Variants in ZNRF2 observed in about 807,000 individuals in gnomAD.
ZNRF2 encodes the protein E3 ubiquitin-protein ligase ZNRF2.
Under a neutral mutation model 20.4 loss-of-function variants are expected in ZNRF2, and 16 were observed. The ratio of observed to expected loss-of-function variants is 0.79; its 90% CI spans 0.53 to 1.19. ZNRF2 has a LOEUF of 1.19. ZNRF2 is among the 50% of genes most tolerant of loss of function. The pLI, the probability that ZNRF2 is intolerant of heterozygous loss-of-function variation, is 0.00. For synonymous variants in ZNRF2, 178 were observed against 144.9 expected (o/e 1.23, Z -1.64); for missense variants, 363 against 332.4 (o/e 1.09, Z -0.72).
intron 2 of ZNRF2, among the ~76,000 whole-genome samples, chr7:30,350,647 T>G (rs1799948101): frequency 6.6e-6 from 1 of 152,086 alleles, no homozygotes; most frequent in South Asian, 2.1e-4. Context: ...GTATAAGAGA[T>G]AACTTAATAT....
chr7:30,364,480 CTAAA>C (rs139535807), intron 4 of ZNRF2, among the ~76,000 whole-genome samples: 3 of 151,908 alleles, frequency 2.0e-5, no homozygotes, highest in Non-Finnish European at 2.9e-5. Context: ...AAGTCCCTGT[CTAAA>C]TAAATAAATA....
chr7:30,361,631 T>G (rs537144136), intron 3 of ZNRF2, among the ~76,000 whole-genome samples: 3 of 152,234 alleles, frequency 2.0e-5, no homozygotes, highest in Non-Finnish European at 4.4e-5. Context: ...GGAAATGTTC[T>G]ATATCTATGC....
At chr7:30,317,143 A>G (rs1285042130) in intron 1 of ZNRF2, among the ~76,000 whole-genome samples, 1 of 152,208 alleles carries the variant, frequency 6.6e-6, no homozygotes, top group Non-Finnish European at 1.5e-5. Flanking sequence ...TAATTGTGCC[A>G]TTCTTGCCTC....
intron 1 of ZNRF2, among the ~76,000 whole-genome samples, chr7:30,308,848 CTTAGAT>C (rs529053936): frequency 1.6e-3 from 246 of 152,072 alleles, no homozygotes; most frequent in Middle Eastern, 6.8e-3. Context: ...AAAAAATTGA[CTTAGAT>C]TTACTACAGA....
chr7:30,293,593 C>T (rs920087071), intron 1 of ZNRF2, among the ~76,000 whole-genome samples: 1 of 152,162 alleles, frequency 6.6e-6, no homozygotes, highest in African/African-American at 2.4e-5. Context: ...CAAAGATACA[C>T]TTTTGTTCAA....
chr7:30,351,099 C>T (rs1358478429), intron 2 of ZNRF2, among the ~76,000 whole-genome samples: 1 of 149,540 alleles, frequency 6.7e-6, no homozygotes, highest in Non-Finnish European at 1.5e-5. Context: ...CTTGGACCTG[C>T]TAAGTATTTT....
chr7:30,320,128 T>C (rs950732547), intron 1 of ZNRF2, among the ~76,000 whole-genome samples: 41 of 152,180 alleles, frequency 2.7e-4, no homozygotes, highest in African/African-American at 9.2e-4. Context: ...GATAATACAC[T>C]TCTTGAGTCC....
At chr7:30,295,786 A>T (rs1370339394) in intron 1 of ZNRF2, among the ~76,000 whole-genome samples, 2 of 152,250 alleles carry the variant, frequency 1.3e-5, no homozygotes, top group African/African-American at 2.4e-5. Flanking sequence ...CCGTACTTTT[A>T]ACTATTGAAT....
intron 2 of ZNRF2, among the ~76,000 whole-genome samples, chr7:30,351,693 C>T (rs561731503): frequency 1.6e-3 from 245 of 152,078 alleles, no homozygotes; most frequent in Non-Finnish European, 2.7e-3. Flanking sequence ...TTAGTAACTT[C>T]TGGTAAGTTA....
intron 3 of ZNRF2, among the ~76,000 whole-genome samples, chr7:30,358,906 G>A (rs186269352): frequency 6.6e-6 from 1 of 152,182 alleles, no homozygotes. Context: ...ATAAGATGAA[G>A]ACAATAGAAA....
intron 4 of ZNRF2, among the ~76,000 whole-genome samples, chr7:30,365,263 G>A (rs1328210680): frequency 1.3e-5 from 2 of 150,420 alleles, no homozygotes; most frequent in Non-Finnish European, 3.0e-5. Flanking sequence ...GATATGTGGA[G>A]CATACATCTC....
chr7:30,363,554 TATTC>T (rs1211589685), intron 4 of ZNRF2, among the ~76,000 whole-genome samples: 3 of 152,244 alleles, frequency 2.0e-5, no homozygotes, highest in African/African-American at 7.2e-5. Context: ...ATCATAAATT[TATTC>T]ATTCAATTTA....
chr7:30,343,638 G>T (rs991968124), intron 2 of ZNRF2, among the ~76,000 whole-genome samples: 1 of 151,436 alleles, frequency 6.6e-6, no homozygotes, highest in Admixed American at 6.6e-5. Flanking sequence ...CTTGTCAATA[G>T]TAAGATTGTA....
Position 30,366,889 on chromosome 7 carries a change from A to C in ZNRF2, c.*877A>C, listed in dbSNP as rs1310875429. The C allele has an allele frequency of 6.6e-6, 1 of 152,576 alleles. No homozygotes were observed. The highest frequency in any genetic ancestry group is 2.4e-5 in the African/African-American group (1 of 41,462). 9.5% of individuals were successfully genotyped at this position (152,576 alleles called of 1,614,324 possible). ...GCTGCCAGCTAAAATAACTGTTTTA[A>C]CGGGTATCTTTTGTTTGTTCTTTTC... On this transcript the variant is annotated 3_prime_UTR_variant, in exon 5 of 5. Transcript: ENST00000323037.
At chr7:30,315,734 G>A (rs926807224) in intron 1 of ZNRF2, among the ~76,000 whole-genome samples, 3 of 97,672 alleles carry the variant, frequency 3.1e-5, no homozygotes, top group Non-Finnish European at 4.2e-5. Context: ...GGGCGGGGGG[G>A]GGGGGGTTGG....
At chr7:30,365,701 A>G (rs1004265603) in intron 4 of ZNRF2, among the ~76,000 whole-genome samples, 1 of 152,218 alleles carries the variant, frequency 6.6e-6, no homozygotes, top group Non-Finnish European at 1.5e-5. Context: ...CTTCAGCATA[A>G]GAATTTAATA....
At chr7:30,292,717 G>A (rs569013338) in intron 1 of ZNRF2, among the ~76,000 whole-genome samples, 14 of 152,154 alleles carry the variant, frequency 9.2e-5, no homozygotes, top group South Asian at 4.2e-4. Flanking sequence ...ACATATTCAG[G>A]CACAGGGAGC....
At chr7:30,362,326 A>G (rs1438490684) in intron 3 of ZNRF2, 51 bp from the exon 4 acceptor site, 1 of 1,248,986 alleles carries the variant, frequency 8.0e-7, no homozygotes, top group Non-Finnish European at 1.1e-6. Context: ...CTCTCATTAT[A>G]TAAATAATTA....
At chr7:30,353,677 CTT>C (rs1394020683) in intron 2 of ZNRF2, among the ~76,000 whole-genome samples, 2 of 152,076 alleles carry the variant, frequency 1.3e-5, no homozygotes, top group African/African-American at 4.8e-5. Context: ...ATCTCAAAGA[CTT>C]TGAAGAGCTC....
Sources: allele counts gnomAD v4.1 joint callset (sites outside exome capture counted in the v4.1 genomes callset), GRCh38; gene constraint gnomAD v4.1.1; transcripts MANE v1.5; gene names NCBI Gene and HGNC (gene_info 2026-07-23, HGNC 2026-07-21).